Variants in RPH3AL observed in about 807,000 individuals in gnomAD.
The protein encoded by RPH3AL is rab effector Noc2.
A neutral mutation model predicts 43.1 loss-of-function variants in RPH3AL; 38 were observed. The ratio of observed to expected loss-of-function variants is 0.88; its 90% CI spans 0.68 to 1.15. The LOEUF is 1.15. Among genes scored for constraint, RPH3AL ranks in the 50% most tolerant of loss-of-function variants. The pLI is 0.00. For missense variants in RPH3AL, 462 were observed against 423.2 expected (o/e 1.09, Z -0.81); for synonymous variants, 189 against 176.3 (o/e 1.07, Z -0.57).
intron 5 of RPH3AL, among the ~76,000 whole-genome samples, chr17:316,749 C>T (rs1253440003): frequency 5.4e-5 from 4 of 73,572 alleles, no homozygotes; most frequent in African/African-American, 1.1e-4. Context: ...AGTCCATGTG[C>T]CCCACCTCCA....
chr17:279,824 T>C (rs1359737480), intron 6 of RPH3AL, among the ~76,000 whole-genome samples: 1 of 152,138 alleles, frequency 6.6e-6, no homozygotes, highest in Non-Finnish European at 1.5e-5. Context: ...AAAGGGGAGA[T>C]TTCTGGCTGA....
chr17:302,016 C>A (rs911978414), intron 5 of RPH3AL, among the ~76,000 whole-genome samples: 2 of 152,228 alleles, frequency 1.3e-5, no homozygotes, highest in African/African-American at 4.8e-5. Context: ...GCTCAGAGGG[C>A]ACAGACTCAC....
intron 5 of RPH3AL, among the ~76,000 whole-genome samples, chr17:310,224 C>G (rs1259952929): frequency 1.3e-5 from 2 of 152,130 alleles, no homozygotes; most frequent in Non-Finnish European, 2.9e-5. Context: ...ACCAGCCAGC[C>G]CCTCTCCCTT....
At chr17:315,486 A>T (rs376053493) in intron 5 of RPH3AL, among the ~76,000 whole-genome samples, 1 of 59,804 alleles carries the variant, frequency 1.7e-5, no homozygotes, top group Non-Finnish European at 3.0e-5. Flanking sequence ...ACCTCCATTG[A>T]CCTGTAGTCC....
intron 6 of RPH3AL, among the ~76,000 whole-genome samples, chr17:263,319 A>C (rs782673795): frequency 2.0e-5 from 3 of 152,220 alleles, no homozygotes; most frequent in African/African-American, 4.8e-5. Context: ...ACAACGATCA[A>C]CATCAGGGGA....
chr17:339,709 T>C (rs2045060925), intron 1 of RPH3AL: 1 of 152,180 alleles, frequency 6.6e-6, no homozygotes, highest in Non-Finnish European at 1.5e-5. Context: ...CCCCTCCTCC[T>C]CCCAAGGCGT....
At chr17:218,354 C>CCGTT (rs880002670) in intron 8 of RPH3AL, among the ~76,000 whole-genome samples, 5,082 of 45,758 alleles carry the variant, frequency 0.11, 3 homozygotes, top group Admixed American at 0.12. Context: ...ATTACAGAGC[C>CCGTT]CTTCTTCTGC....
chr17:314,132 C>T (rs569442097), intron 5 of RPH3AL, among the ~76,000 whole-genome samples: 4 of 152,312 alleles, frequency 2.6e-5, no homozygotes, highest in Non-Finnish European at 4.4e-5. Flanking sequence ...CTGTACTAAC[C>T]GTTGCACAGC....
intron 4 of RPH3AL, 148 bp from the exon 5 acceptor site, chr17:319,697 T>G (rs1285442490): frequency 1.1e-6 from 1 of 914,868 alleles, no homozygotes; most frequent in Admixed American, 2.5e-5. Flanking sequence ...TAACAGCGAA[T>G]CCTTCATTCA....
At chr17:296,000 C>A in intron 5 of RPH3AL, among the ~76,000 whole-genome samples, 3 of 114,706 alleles carry the variant, frequency 2.6e-5, no homozygotes, top group Admixed American at 9.0e-5. Flanking sequence ...AGAGGAGCTG[C>A]AGAAATGGAC....
In RPH3AL at chr17:246,491, G is replaced by A. The variant is rs543587527; in HGVS notation, c.613+620C>T. On this transcript the variant is annotated intron_variant, in intron 7 of 9. Transcript: ENST00000331302. The surrounding 1 kb of genome is among the most constrained non-coding windows in gnomAD (Gnocchi z 4.8). The stretch of plus-strand genomic sequence containing the variant: ...AAAATGCAGTCATTAAATAACTTCC[G>A]AGCCTGTTGTGAGACCAGGAACTTT... 3.3e-5 allele frequency among the ~76,000 whole-genome samples: 5 copies of A among 152,048 alleles called. No individual in the cohort carries two copies. The highest frequency in any genetic ancestry group is 5.9e-5 in the Non-Finnish European group (4 of 67,984).
chr17:340,105 C>A (rs2045070826), intron 1 of RPH3AL, among the ~76,000 whole-genome samples: 1 of 152,042 alleles, frequency 6.6e-6, no homozygotes, highest in Non-Finnish European at 1.5e-5. Context: ...GTCACCCAGA[C>A]CTCCTCAGTC....
intron 5 of RPH3AL, among the ~76,000 whole-genome samples, chr17:293,074 C>T (rs2043083827): frequency 6.6e-6 from 1 of 152,164 alleles, no homozygotes; most frequent in Non-Finnish European, 1.5e-5. Flanking sequence ...CTCTCTTTAC[C>T]AAGGCTTCCG....
chr17:321,336 C>A lies in RPH3AL; in HGVS notation c.157G>T (p.Glu53Ter). ...CTCTGGATGACCTGCAGGATGGCCT[C>A]CACCTCCGCCGGGCTGAGGTGCTGC... ...RKQHLSPAEV[E>*]AILQVIQRAE... Residue 53 changes from glutamate (E) to a stop codon, truncating the protein, a stop_gained, in exon 4 of 10, where the codon GAG becomes TAG. Transcript: ENST00000331302. LOFTEE classifies it high-confidence loss of function. 1.9e-6 allele frequency: 3 copies of A among 1,611,626 alleles called. No individual in the cohort carries two copies. Among genetic ancestry groups the A allele is most frequent in the Non-Finnish European group, 2.5e-6 (3 of 1,179,946 alleles).
At chr17:267,962 G>C in intron 6 of RPH3AL, among the ~76,000 whole-genome samples, 1 of 152,146 alleles carries the variant, frequency 6.6e-6, no homozygotes, top group East Asian at 1.9e-4. Flanking sequence ...AGCTCATCAA[G>C]AAATAAAATG....
intron 7 of RPH3AL, among the ~76,000 whole-genome samples, chr17:227,926 G>A (rs769454659): frequency 6.6e-6 from 1 of 152,232 alleles, no homozygotes; most frequent in South Asian, 2.1e-4. Flanking sequence ...GCCCCTGGGA[G>A]TGTAGACACT....
At chr17:265,605 G>C (rs1291702962) in intron 6 of RPH3AL, among the ~76,000 whole-genome samples, 1 of 151,894 alleles carries the variant, frequency 6.6e-6, no homozygotes, top group Non-Finnish European at 1.5e-5. Flanking sequence ...ATTTCTCCTT[G>C]TTGTTGTCCT....
intron 6 of RPH3AL, among the ~76,000 whole-genome samples, chr17:278,476 T>C (rs182788840): frequency 3.3e-5 from 5 of 152,278 alleles, no homozygotes; most frequent in African/African-American, 1.2e-4. Context: ...GCCTCAGATC[T>C]ACCAAGCACA....
In RPH3AL at chr17:258,757, G is replaced by GTTTTTTT. The variant is rs372761475; in HGVS notation, c.439-11479_439-11473dup. Among the ~76,000 whole-genome samples the GTTTTTTT allele has an allele frequency of 5.1e-5, 5 of 98,770 alleles. 2 individuals carry two copies. The highest frequency in any genetic ancestry group is 7.5e-5 in the African/African-American group (2 of 26,746). 64.8% of individuals were successfully genotyped at this position (98,770 alleles called of 152,430 possible). A position where few individuals can be genotyped will look rare whatever the true frequency, so the allele number is the denominator to read the frequency against. On this transcript the variant is annotated intron_variant, in intron 6 of 9. Coordinates refer to ENST00000331302, the MANE Select transcript of RPH3AL (RefSeq NM_006987.4). ...TCAGCCATTTTGGGATAGTCAACCC[G>GTTTTTTT]TTTTTTTTTTTTTTTTTTTTTGAGA...
Sources: allele counts gnomAD v4.1 joint callset (sites outside exome capture counted in the v4.1 genomes callset), GRCh38; gene constraint gnomAD v4.1.1; non-coding constraint Gnocchi (gnomAD v3.1); transcripts MANE v1.5; gene names NCBI Gene and HGNC (gene_info 2026-07-23, HGNC 2026-07-21).